The following TMEM171 variants were observed in gnomAD, a reference collection of about 807,000 sequenced individuals.
TMEM171 encodes transmembrane protein 171.
A neutral mutation model predicts 19.1 loss-of-function variants in TMEM171; 16 were observed. The observed-to-expected ratio is 0.84, with a 90% CI of 0.57 to 1.27. The LOEUF is 1.27. Among genes scored for constraint, TMEM171 ranks in the 50% most tolerant of loss-of-function variants. The probability of loss-of-function intolerance (pLI) is 0.00; values close to 1 mark genes in which losing one functional copy is unlikely to be tolerated. For missense variants in TMEM171, 429 were observed against 412.7 expected (o/e 1.04, Z -0.34); for synonymous variants, 153 against 163.4 (o/e 0.94, Z 0.48).
intron 2 of TMEM171, 68 bp downstream of exon 2, chr5:73,124,081 T>C: frequency 7.6e-7 from 1 of 1,319,744 alleles, no homozygotes. Context: ...CACCAGCTGC[T>C]CTTGGTTCTC....
In TMEM171 at chr5:73,123,440, T is replaced by C. The variant is rs638333; in HGVS notation, c.67T>C (p.Phe23Leu). 432,045 of 1,614,004 alleles carry C rather than the reference T, an allele frequency of 0.27. 61,047 individuals carry two copies. Among genetic ancestry groups the C allele is most frequent in the Admixed American group, 0.36 (21,870 of 60,012 alleles). Reference sequence around the variant, plus strand: ...GGACAGACACGTCAGCAAACTCATCTTCTGCTTCTTTGTCTTCGGCGCCGT... The same window carrying C: ...GGACAGACACGTCAGCAAACTCATCCTCTGCTTCTTTGTCTTCGGCGCCGT... ...QQDRHVSKLIFCFFVFGAVLL... is the reference protein window; with the variant it reads ...QQDRHVSKLILCFFVFGAVLL... Residue 23 changes from phenylalanine (F) to leucine (L), a missense_variant, in exon 2 of 4, where the codon TTC (phenylalanine) becomes CTC (leucine). Coordinates refer to ENST00000454765, the MANE Select transcript of TMEM171 (RefSeq NM_173490.8).
chr5:73,124,710 G>A lies in TMEM171; in HGVS notation c.640+697G>A, dbSNP rs1412209855. On this transcript the variant is annotated intron_variant, in intron 2 of 3. Coordinates refer to ENST00000454765, the MANE Select transcript of TMEM171 (RefSeq NM_173490.8). The stretch of plus-strand genomic sequence containing the variant: ...GGATGAACCAAGATGGAATATGACA[G>A]CACCTTTCTCCCGTGGAATGCCTAC... Among the ~76,000 whole-genome samples the A allele has an allele frequency of 2.0e-5, 3 of 152,172 alleles. No homozygotes were observed. In the East Asian group the frequency reaches 5.8e-4, roughly 29 times the overall value.
At chr5:73,126,066 G>A (rs1313533735) in intron 2 of TMEM171, among the ~76,000 whole-genome samples, 1 of 152,190 alleles carries the variant, frequency 6.6e-6, no homozygotes, top group Non-Finnish European at 1.5e-5. Context: ...CAGAGGAGAG[G>A]CCTCTTTCCA....
chr5:73,126,175 T>G (rs1744158294), intron 2 of TMEM171, among the ~76,000 whole-genome samples: 1 of 152,158 alleles, frequency 6.6e-6, no homozygotes, highest in South Asian at 2.1e-4. Context: ...TCCTTGTGTG[T>G]TTTTGAGAGG....
intron 2 of TMEM171, among the ~76,000 whole-genome samples, chr5:73,127,384 A>AAAAAAATATATATAT: frequency 1.2e-5 from 1 of 81,696 alleles, no homozygotes; most frequent in African/African-American, 6.6e-5. Context: ...AAAAAAAAAA[A>AAAAAAATATATATAT]ATATATATAT....
In TMEM171 at chr5:73,123,505, C is replaced by A; in HGVS notation, c.132C>A (p.Phe44Leu). The A allele has an allele frequency of 6.2e-7, 1 of 1,614,200 alleles. No individual in the cohort carries two copies. Among genetic ancestry groups the A allele is most frequent in the African/African-American group, 1.3e-5 (1 of 75,048 alleles). ...GAGTCCTGCTCTCCATCTTTGGGTT[C>A]CAGGCATGCCAATATAAGCCCCTCC... is the stretch of plus-strand genomic sequence containing the variant. ...CVGVLLSIFG[F>L]QACQYKPLPD... is the part of the protein sequence containing the mutation. Residue 44 changes from phenylalanine to leucine, a missense_variant, in exon 2 of 4, where the codon TTC (phenylalanine) becomes TTA (leucine). By Grantham distance (22) the Phe-to-Leu change is conservative. Coordinates refer to ENST00000454765, the MANE Select transcript of TMEM171 (RefSeq NM_173490.8).
intron 2 of TMEM171, among the ~76,000 whole-genome samples, chr5:73,127,598 G>A (rs1384658510): frequency 1.3e-5 from 2 of 151,300 alleles, no homozygotes; most frequent in Non-Finnish European, 2.9e-5. Flanking sequence ...CACCACGCCT[G>A]CCTGATTGTT....
In TMEM171 at chr5:73,120,715, C is replaced by G. The variant is rs964074432; in HGVS notation, c.-69+19C>G. On this transcript the variant is annotated intron_variant, in intron 1 of 3. Transcript: ENST00000454765. ...GCTTCAGGTAAGCTGCCCCGGCCCG[C>G]GCGCCTGCGCCGGCGGCGGCGGGTC... 9.6e-5 allele frequency: 94 copies of G among 983,550 alleles called. No individual in the cohort carries two copies. Among genetic ancestry groups the G allele is most frequent in the Non-Finnish European group, 1.1e-4 (90 of 829,342 alleles). 60.9% of individuals were successfully genotyped at this position (983,550 alleles called of 1,614,324 possible). A position where few individuals can be genotyped will look rare whatever the true frequency, so the allele number is the denominator to read the frequency against.
Position 73,120,652 on chromosome 5 carries a change from G to C in TMEM171, c.-113G>C. 1 of 984,556 alleles carries C rather than the reference G, an allele frequency of 1.0e-6. No individual in the cohort carries two copies. The highest frequency in any genetic ancestry group is 1.2e-6 in the Non-Finnish European group (1 of 829,792). The allele number at this position is 984,556 out of a possible 1,614,324, so 61.0% of individuals were successfully genotyped here. On this transcript the variant is annotated 5_prime_UTR_variant, in exon 1 of 4. Transcript: ENST00000454765. ...CGGAGGCGGACGCCGCGCCCAGCCA[G>C]TGCCCACAGCAGCGCGGTCAGCCAG...
intron 1 of TMEM171, among the ~76,000 whole-genome samples, chr5:73,121,000 G>C (rs1173393488): frequency 6.6e-6 from 1 of 152,192 alleles, no homozygotes; most frequent in African/African-American, 2.4e-5. Flanking sequence ...TGTTGGAGAG[G>C]GGAGTTTGGC....
chr5:73,128,466 T>C lies in TMEM171; in HGVS notation c.717T>C (p.Ser239=), dbSNP rs765403563. The change falls in exon 3 of 4, where the codon AGT becomes AGC. Residue 239 remains serine, a synonymous_variant. Coordinates refer to ENST00000454765, the MANE Select transcript of TMEM171 (RefSeq NM_173490.8). ...CTTCAGCTTCTGCGGTCGCTGAGAGTCCTGGAACTAACAGTCTGCTTCCGA... is the reference window on the plus strand; with the variant it reads ...CTTCAGCTTCTGCGGTCGCTGAGAGCCCTGGAACTAACAGTCTGCTTCCGA... The part of the protein sequence containing the change: ...PESSASAVAE[S]PGTNSLLPNE... 3.0e-5 allele frequency: 48 copies of C among 1,613,812 alleles called. No individual in the cohort carries two copies. The highest frequency in any genetic ancestry group is 3.8e-5 in the Non-Finnish European group (45 of 1,180,006).
chr5:73,128,016 A>T (rs1198767297), intron 2 of TMEM171, among the ~76,000 whole-genome samples: 8 of 152,140 alleles, frequency 5.3e-5, no homozygotes, highest in African/African-American at 1.7e-4. Flanking sequence ...AAGTGGTGGG[A>T]TTATAGGTGT....
At chr5:73,124,053 G>A (rs1744098736) in intron 2 of TMEM171, 40 bp downstream of exon 2, 3 of 1,484,724 alleles carry the variant, frequency 2.0e-6, no homozygotes, top group South Asian at 1.4e-5. Context: ...CTATCACAGT[G>A]GCTTTGCAGC....
chr5:73,124,220 T>TC (rs547187346), intron 2 of TMEM171, among the ~76,000 whole-genome samples: 6 of 152,012 alleles, frequency 3.9e-5, no homozygotes, highest in East Asian at 3.9e-4. Context: ...ATACATCTTT[T>TC]CCCCCCCAGC....
rs555553634 is a variant in TMEM171 at position 73,129,015 on chromosome 5, C to T, written c.782+484C>T. On this transcript the variant is annotated intron_variant, in intron 3 of 3. Transcript: ENST00000454765. ...GGCTGAGGCATGAGGATCGATTGAA[C>T]GCAAGAGACAGAGGTTGCAGTGAGC... 2.2e-4 allele frequency among the ~76,000 whole-genome samples: 34 copies of T among 152,300 alleles called. 1 individual carries two copies. The South Asian group carries it at 6.8e-3, about 31-fold the overall frequency.
intron 2 of TMEM171, among the ~76,000 whole-genome samples, chr5:73,125,725 G>A (rs1054034049): frequency 6.6e-6 from 1 of 152,192 alleles, no homozygotes; most frequent in Non-Finnish European, 1.5e-5. Flanking sequence ...CCTTCCACCT[G>A]GTAGCTGGAA....
At chr5:73,128,311 T>C in intron 2 of TMEM171, 79 bp from the exon 3 acceptor site, 5 of 1,552,632 alleles carry the variant, frequency 3.2e-6, no homozygotes, top group Non-Finnish European at 4.4e-6. Context: ...ATGGGCCAAA[T>C]ATATAATTAA....
intron 2 of TMEM171, 146 bp downstream of exon 2, chr5:73,124,159 A>G (rs576868099): frequency 1.4e-6 from 1 of 697,146 alleles, no homozygotes; most frequent in South Asian, 2.6e-5. Flanking sequence ...CACCCCCATC[A>G]TGTGTACATA....
Position 73,120,678 on chromosome 5 carries a change from G to A in TMEM171, c.-87G>A. 2.0e-6 allele frequency: 2 copies of A among 984,304 alleles called. No homozygotes were observed. Among genetic ancestry groups the A allele is most frequent in the Non-Finnish European group, 2.4e-6 (2 of 829,646 alleles). 61.0% of individuals were successfully genotyped at this position (984,304 alleles called of 1,614,324 possible). ...TGCCCACAGCAGCGCGGTCAGCCAGGCGCCGGACCCAGCTTCAGGTAAGCT... is the reference window on the plus strand; with the variant it reads ...TGCCCACAGCAGCGCGGTCAGCCAGACGCCGGACCCAGCTTCAGGTAAGCT... On this transcript the variant is annotated 5_prime_UTR_variant, in exon 1 of 4. Transcript: ENST00000454765.
Sources: allele counts gnomAD v4.1 joint callset (sites outside exome capture counted in the v4.1 genomes callset), GRCh38; gene constraint gnomAD v4.1.1; transcripts MANE v1.5; gene names NCBI Gene and HGNC (gene_info 2026-07-23, HGNC 2026-07-21).